Variants in MON2 observed in about 807,000 individuals in gnomAD.
MON2 encodes the protein protein MON2 homolog.
In MON2, 84 loss-of-function variants were observed where a neutral mutation model predicts 208.6. The observed-to-expected ratio is 0.40, with a 90% CI of 0.34 to 0.48. The LOEUF (loss-of-function observed/expected upper bound fraction) is 0.48. Ranked by LOEUF, MON2 falls within the 20% of genes least tolerant of loss-of-function variation. The pLI is 0.59. For missense variants in MON2, 1,611 were observed against 2,015.4 expected, an observed-to-expected ratio of 0.80 and a Z score of 3.84; for synonymous variants, 660 against 694.0, an observed-to-expected ratio of 0.95 and a Z score of 0.77.
chr12:62,482,459 A>T (rs1028486342), intron 1 of MON2: 2 of 152,234 alleles, frequency 1.3e-5, no homozygotes, highest in Non-Finnish European at 2.9e-5. Flanking sequence ...GACTGCTACC[A>T]CTTGTCCCTT....
At chr12:62,589,845 T>C (rs2075340418) in intron 34 of MON2, among the ~76,000 whole-genome samples, 1 of 151,500 alleles carries the variant, frequency 6.6e-6, no homozygotes, top group Non-Finnish European at 1.5e-5. Context: ...GTTATATGTA[T>C]AAGGCAGTGT....
At chr12:62,494,477 T>G (rs569903436) in intron 3 of MON2, among the ~76,000 whole-genome samples, 1 of 152,342 alleles carries the variant, frequency 6.6e-6, no homozygotes, top group African/African-American at 2.4e-5. Flanking sequence ...AATCTGCATG[T>G]TGGTCTCAAA....
chr12:62,476,538 G>A (rs553587502), intron 1 of MON2, among the ~76,000 whole-genome samples: 3 of 151,714 alleles, frequency 2.0e-5, no homozygotes, highest in Non-Finnish European at 2.9e-5. Flanking sequence ...AGGCTCAAGC[G>A]ATTCTCTTGC....
chr12:62,565,400 A>G lies in MON2; in HGVS notation c.4176+20A>G, dbSNP rs1280549138. 2 of 1,576,486 alleles carry G rather than the reference A, an allele frequency of 1.3e-6. No individual in the cohort carries two copies. The highest frequency in any genetic ancestry group is 1.7e-6 in the Non-Finnish European group (2 of 1,157,210). On this transcript the variant is annotated intron_variant, in intron 27 of 34. Coordinates refer to ENST00000393630, the MANE Select transcript of MON2 (RefSeq NM_015026.3). ...AATCAGGTAATTTACTGTAAATTTT[A>G]TTTACTTTGTAAGATTTCATGGCTT...
rs2075444740 is a variant in MON2, at chr12:62,593,072, T to C, written c.*323T>C. On this transcript the variant is annotated 3_prime_UTR_variant, in exon 35 of 35. Transcript: ENST00000393630. ...CAGTTTGTGGTGTATGTGTTAATGATGTACTTTTTAAAAAGAAAGAAGAGA... is the reference window on the plus strand; with the variant it reads ...CAGTTTGTGGTGTATGTGTTAATGACGTACTTTTTAAAAAGAAAGAAGAGA... The C allele has an allele frequency of 5.6e-6, 1 of 180,114 alleles. No homozygotes were observed. Among genetic ancestry groups the C allele is most frequent in the African/African-American group, 2.3e-5 (1 of 42,612 alleles). 11.2% of individuals were successfully genotyped at this position (180,114 alleles called of 1,614,324 possible).
intron 26 of MON2, among the ~76,000 whole-genome samples, chr12:62,562,938 A>G (rs2136358094): frequency 6.6e-6 from 1 of 152,250 alleles, no homozygotes; most frequent in East Asian, 1.9e-4. Context: ...TTGCCAAGTT[A>G]TTTTAGCATA....
In MON2 at chr12:62,490,098, C is replaced by T. The variant is rs973766099; in HGVS notation, c.176-3817C>T. 5.4e-5 allele frequency: 35 copies of T among 646,350 alleles called. No individual in the cohort carries two copies. In the Admixed American group the frequency reaches 6.0e-4, roughly 11 times the overall value. The allele number at this position is 646,350 out of a possible 1,614,324, so 40.0% of individuals were successfully genotyped here. ...CAAGGAAACCCCTAGGATATGGGGA[C>T]CTGGTGGACCTTTTTCAGGTGTGTG... On this transcript the variant is annotated intron_variant, in intron 2 of 34. Transcript: ENST00000393630.
At chr12:62,547,545 T>C (rs1465381128) in intron 22 of MON2, among the ~76,000 whole-genome samples, 2 of 152,236 alleles carry the variant, frequency 1.3e-5, no homozygotes, top group Non-Finnish European at 2.9e-5. Context: ...TTATTAAACA[T>C]TTATTCTGTG....
chr12:62,472,256 A>G (rs1212076556), intron 1 of MON2, among the ~76,000 whole-genome samples: 1 of 152,186 alleles, frequency 6.6e-6, no homozygotes, highest in African/African-American at 2.4e-5. Context: ...TGAGAGAGCT[A>G]GAAGGATAGG....
chr12:62,565,365 T>C lies in MON2; in HGVS notation c.4161T>C (p.Asn1387=). The change falls in exon 27 of 35, where the codon AAT becomes AAC. Residue 1387 remains asparagine, a synonymous_variant. Transcript: ENST00000393630. Reference sequence around the variant, plus strand: ...AGCTGGAAACAAAGCACATTGCAAATGCAAAATATAATCAGGTAATTTACT... The same window carrying C: ...AGCTGGAAACAAAGCACATTGCAAACGCAAAATATAATCAGGTAATTTACT... ...YGQLETKHIA[N]AKYNQIQLFA... 1 of 1,605,768 alleles carries C rather than the reference T, an allele frequency of 6.2e-7. No individual in the cohort carries two copies. Among genetic ancestry groups the C allele is most frequent in the Non-Finnish European group, 8.5e-7 (1 of 1,176,996 alleles).
At chr12:62,548,294 A>G (rs905377769) in intron 22 of MON2, among the ~76,000 whole-genome samples, 4 of 152,200 alleles carry the variant, frequency 2.6e-5, no homozygotes, top group African/African-American at 4.8e-5. Flanking sequence ...AATAGCAATC[A>G]GGAGTGACTT....
chr12:62,565,200 GATTA>G, intron 26 of MON2, 33 bp from the exon 27 acceptor site: 1 of 1,595,192 alleles, frequency 6.3e-7, no homozygotes, highest in South Asian at 1.1e-5. Context: ...ATGGAGTTCA[GATTA>G]TGCATTCTAA....
chr12:62,546,826 G>T, intron 21 of MON2, 71 bp from the exon 22 acceptor site: 1 of 1,177,700 alleles, frequency 8.5e-7, no homozygotes, highest in South Asian at 1.7e-5. Flanking sequence ...ATTTAAACTT[G>T]AAAAGCAACA....
intron 23 of MON2, among the ~76,000 whole-genome samples, chr12:62,550,562 A>G (rs11174543): frequency 0.12 from 18,266 of 152,222 alleles, 1,092 homozygotes; most frequent in South Asian, 0.19. Flanking sequence ...TGTTTTGTCT[A>G]CATTGAAAAT....
chr12:62,583,149 T>G (rs182510428), intron 32 of MON2, among the ~76,000 whole-genome samples: 58 of 152,050 alleles, frequency 3.8e-4, no homozygotes, highest in Non-Finnish European at 6.0e-4. Context: ...CTGGGCAACA[T>G]GGCAAAACCC....
Position 62,468,285 on chromosome 12 carries a change from C to A in MON2, c.111+967C>A, listed in dbSNP as rs1592783171. On this transcript the variant is annotated intron_variant, in intron 1 of 34. Transcript: ENST00000393630. ...TCCCGACTTCAGATGATCCCCCTGC[C>A]TCGGCCTCCCAAAGTGCTGGGATTA... Among the ~76,000 whole-genome samples the A allele has an allele frequency of 3.9e-5, 6 of 152,088 alleles. No individual in the cohort carries two copies. The South Asian group carries it at 1.2e-3, about 32-fold the overall frequency.
chr12:62,592,356 CA>C (rs1381790975), intron 34 of MON2, among the ~76,000 whole-genome samples: 1 of 152,096 alleles, frequency 6.6e-6, no homozygotes. Context: ...TGTACTTTAT[CA>C]AATTTATTGT....
At chr12:62,497,695 A>G (rs1039899612) in intron 4 of MON2, among the ~76,000 whole-genome samples, 33 of 152,152 alleles carry the variant, frequency 2.2e-4, no homozygotes, top group African/African-American at 7.9e-4. Context: ...GCTCACTGCA[A>G]CCTTCCACCT....
chr12:62,497,119 G>A (rs1025825939), intron 4 of MON2, among the ~76,000 whole-genome samples: 4 of 132,630 alleles, frequency 3.0e-5, no homozygotes, highest in African/African-American at 5.7e-5. Flanking sequence ...AGAACACATG[G>A]ACACAGGAAG....
Sources: allele counts gnomAD v4.1 joint callset (sites outside exome capture counted in the v4.1 genomes callset), GRCh38; gene constraint gnomAD v4.1.1; transcripts MANE v1.5; gene names NCBI Gene and HGNC (gene_info 2026-07-23, HGNC 2026-07-21).